The following BRWD1 variants were observed in gnomAD, a reference collection of about 807,000 sequenced individuals.
BRWD1 encodes the protein bromodomain and WD repeat-containing protein 1.
Under a neutral mutation model 251.2 loss-of-function variants are expected in BRWD1, and 82 were observed. The observed-to-expected ratio is 0.33, with a 90% confidence interval of 0.27 to 0.39. The LOEUF is 0.39. Ranked by LOEUF, BRWD1 falls within the 10% of genes least tolerant of loss-of-function variation. BRWD1 has a pLI of 1.00. For synonymous variants in BRWD1, 918 were observed against 902.8 expected (o/e 1.02, Z -0.30); for missense variants, 2,233 against 2,711.6 (o/e 0.82, Z 3.92).
At chr21:39,273,198 A>C (rs1438259568) in intron 13 of BRWD1, among the ~76,000 whole-genome samples, 1 of 152,234 alleles carries the variant, frequency 6.6e-6, no homozygotes, top group Non-Finnish European at 1.5e-5. Flanking sequence ...ATTTTCCTTA[A>C]TAAAACAATA....
chr21:39,187,519 T>G lies in BRWD1; in HGVS notation c.*8740A>C. 7.0e-7 allele frequency: 1 copy of G among 1,424,250 alleles called. No homozygotes were observed. Among genetic ancestry groups the G allele is most frequent in the Non-Finnish European group, 9.2e-7 (1 of 1,092,318 alleles). 88.2% of individuals were successfully genotyped at this position (1,424,250 alleles called of 1,614,324 possible). On this transcript the variant is annotated 3_prime_UTR_variant, in exon 41 of 41. Coordinates refer to ENST00000342449, the MANE Select transcript of BRWD1 (RefSeq NM_033656.4). ...CAACACTCATTCGGAAACAATAAATTTAAAAGTCATATTGCTAAATGATAA... is the reference window on the plus strand; with the variant it reads ...CAACACTCATTCGGAAACAATAAATGTAAAAGTCATATTGCTAAATGATAA...
chr21:39,189,681 A>T lies in BRWD1; in HGVS notation c.*6578T>A. Reference sequence around the variant, plus strand: ...TCTGAGGAAGACAAAACTGTGGAGAATTTTTTTAAATACATTCAAGTCAGT... The same window carrying T: ...TCTGAGGAAGACAAAACTGTGGAGATTTTTTTTAAATACATTCAAGTCAGT... On this transcript the variant is annotated 3_prime_UTR_variant, in exon 41 of 41. Transcript: ENST00000342449. The T allele has an allele frequency of 1.0e-6, 1 of 981,972 alleles. No homozygotes were observed. Among genetic ancestry groups the T allele is most frequent in the Non-Finnish European group, 1.2e-6 (1 of 826,810 alleles). The allele number at this position is 981,972 out of a possible 1,614,324, so 60.8% of individuals were successfully genotyped here. A position where few individuals can be genotyped will look rare whatever the true frequency, so the allele number is the denominator to read the frequency against.
intron 16 of BRWD1, 39 bp from the exon 17 acceptor site, chr21:39,264,724 C>A: frequency 1.3e-6 from 2 of 1,521,440 alleles, no homozygotes; most frequent in South Asian, 2.4e-5. Context: ...TTTTAAGGTT[C>A]ACACATTTTA....
intron 21 of BRWD1, among the ~76,000 whole-genome samples, chr21:39,242,153 C>CTAG (rs2034026583): frequency 6.6e-6 from 1 of 152,236 alleles, no homozygotes; most frequent in South Asian, 2.1e-4. Context: ...AGGCTAAAAG[C>CTAG]TAGGCCTCTT....
chr21:39,233,575 A>G (rs930587268), intron 23 of BRWD1, among the ~76,000 whole-genome samples: 1 of 152,226 alleles, frequency 6.6e-6, no homozygotes, highest in Non-Finnish European at 1.5e-5. Context: ...AATTCCTTGA[A>G]GTCTACTACT....
At chr21:39,253,053 G>C (rs903614282) in intron 19 of BRWD1, among the ~76,000 whole-genome samples, 3 of 152,172 alleles carry the variant, frequency 2.0e-5, no homozygotes, top group African/African-American at 7.2e-5. Context: ...ACTTTGGCAG[G>C]CCGAGGCAGG....
rs1408056408 is a variant in BRWD1 at position 39,189,827 on chromosome 21, G to C, written c.*6432C>G. 20 of 985,242 alleles carry C rather than the reference G, an allele frequency of 2.0e-5. No individual in the cohort carries two copies. Among genetic ancestry groups the C allele is most frequent in the Non-Finnish European group, 2.3e-5 (19 of 829,902 alleles). The allele number at this position is 985,242 out of a possible 1,614,324, so 61.0% of individuals were successfully genotyped here. A position where few individuals can be genotyped will look rare whatever the true frequency, so the allele number is the denominator to read the frequency against. On this transcript the variant is annotated 3_prime_UTR_variant, in exon 41 of 41. Coordinates refer to ENST00000342449, the MANE Select transcript of BRWD1 (RefSeq NM_033656.4). Reference sequence around the variant, plus strand: ...TTAGAAGTCAAATTTGTGTGTTAGGGTACAAGCTTAAGAACTCTGGATGTT... The same window carrying C: ...TTAGAAGTCAAATTTGTGTGTTAGGCTACAAGCTTAAGAACTCTGGATGTT...
upstream of BRWD1, chr21:39,313,859 G>A: frequency 2.9e-6 from 1 of 344,388 alleles, no homozygotes; most frequent in Non-Finnish European, 5.4e-6. Context: ...AGGGCGCGTG[G>A]TCCGAATCCC....
At chr21:39,202,134 T>C (rs2032140063) in intron 38 of BRWD1, among the ~76,000 whole-genome samples, 191 bp downstream of exon 38, 1 of 152,242 alleles carries the variant, frequency 6.6e-6, no homozygotes, top group African/African-American at 2.4e-5. Context: ...AAATGTACCA[T>C]TCACAAAGCA....
chr21:39,320,080 T>C (rs372010787), intron 1 of BRWD1, among the ~76,000 whole-genome samples: 12 of 152,208 alleles, frequency 7.9e-5, no homozygotes, highest in East Asian at 3.9e-4. Flanking sequence ...CCAGGAAAGA[T>C]GACTGTGCAG....
At position 39,198,971 on chromosome 21, in the gene BRWD1, T is replaced by A. The variant is rs769432577; in HGVS notation, c.5445A>T (p.Lys1815Asn). Residue 1815 changes from lysine to asparagine, a missense_variant, in exon 40 of 41, where the codon AAA (lysine) becomes AAT (asparagine). This residue lies in a region of BRWD1 where 928 missense variants were observed against 970.0 expected (regional missense o/e 0.96). Coordinates refer to ENST00000342449, the MANE Select transcript of BRWD1 (RefSeq NM_033656.4). ...TFHKNASFFKKTKILSDSEDS... is the reference protein window; with the variant it reads ...TFHKNASFFKNTKILSDSEDS... ...CTTCTGAGTCACTCAGAATCTTGGTTTTTTTAAAGAAACTCGCATTCTTGT... is the reference window on the plus strand; with the variant it reads ...CTTCTGAGTCACTCAGAATCTTGGTATTTTTAAAGAAACTCGCATTCTTGT... 6.2e-7 allele frequency: 1 copy of A among 1,613,982 alleles called. No homozygotes were observed. Among genetic ancestry groups the A allele is most frequent in the Non-Finnish European group, 8.5e-7 (1 of 1,180,028 alleles).
intron 29 of BRWD1, among the ~76,000 whole-genome samples, chr21:39,220,079 C>T (rs912599891): frequency 1.4e-5 from 2 of 141,392 alleles, no homozygotes; most frequent in Non-Finnish European, 3.1e-5. Context: ...CAAATCACAT[C>T]TATACCACCT....
chr21:39,280,596 T>A (rs1051344046), intron 8 of BRWD1, among the ~76,000 whole-genome samples: 10 of 151,344 alleles, frequency 6.6e-5, no homozygotes, highest in African/African-American at 2.4e-4. Context: ...AAAAATACAA[T>A]CCAAAACTAG....
chr21:39,215,123 A>G (rs4818004), intron 32 of BRWD1, 114 bp downstream of exon 32: 978,727 of 1,066,970 alleles, frequency 0.92, 451,889 homozygotes, highest in African/African-American at 0.97. Flanking sequence ...GACGGCCTTC[A>G]CTTCCCAAAG....
rs1457327518 is a variant in BRWD1, at chr21:39,189,595, G to A, written c.*6664C>T. 4.1e-6 allele frequency: 4 copies of A among 983,040 alleles called. No homozygotes were observed. The highest frequency in any genetic ancestry group is 4.8e-6 in the Non-Finnish European group (4 of 827,928). 60.9% of individuals were successfully genotyped at this position (983,040 alleles called of 1,614,324 possible). A position where few individuals can be genotyped will look rare whatever the true frequency, so the allele number is the denominator to read the frequency against. ...TTACACTGTACTCTAACTTGATAAAGCTGAATCTCTTAAGTCTTAGACAAT... is the reference window on the plus strand; with the variant it reads ...TTACACTGTACTCTAACTTGATAAAACTGAATCTCTTAAGTCTTAGACAAT... On this transcript the variant is annotated 3_prime_UTR_variant, in exon 41 of 41. Transcript: ENST00000342449.
chr21:39,264,691 A>C lies in BRWD1; in HGVS notation c.1660-6T>G. On this transcript the variant is annotated splice_region_variant and splice_polypyrimidine_tract_variant and intron_variant, in intron 16 of 40. Transcript: ENST00000342449. ...AAGAACATCTGATCAGGAATCTAGA[A>C]AAATGAAGTTCACAGGATGACATTT... The C allele has an allele frequency of 6.3e-7, 1 of 1,586,892 alleles. No homozygotes were observed. Among genetic ancestry groups the C allele is most frequent in the Non-Finnish European group, 8.6e-7 (1 of 1,162,450 alleles).
At chr21:39,235,659 G>A (rs997462058) in intron 23 of BRWD1, 5 of 217,942 alleles carry the variant, frequency 2.3e-5, no homozygotes, top group South Asian at 1.7e-4. Flanking sequence ...TCCCCAAGTC[G>A]GCTCCTTAAC....
rs766831844 is a variant in BRWD1 at position 39,202,356 on chromosome 21, A to G, written c.4554T>C (p.Asn1518=). The G allele has an allele frequency of 5.0e-6, 8 of 1,613,424 alleles. No homozygotes were observed. Among genetic ancestry groups the G allele is most frequent in the Non-Finnish European group, 6.8e-6 (8 of 1,179,580 alleles). The change falls in exon 38 of 41, where the codon AAT becomes AAC. Residue 1518 remains asparagine (N), a synonymous_variant. Transcript: ENST00000342449. The part of the protein sequence containing the change: ...SAESSERRKR[N]RPITNGSTLS... ...ATGTAGAACCATTTGTTATAGGTCT[A>G]TTTCTTTTCCTCCTTTCTGATGATT... is the stretch of plus-strand genomic sequence containing the variant.
intron 21 of BRWD1, among the ~76,000 whole-genome samples, chr21:39,245,601 GT>G (rs11298805): frequency 0.79 from 93,843 of 118,726 alleles, 35,726 homozygotes; most frequent in Middle Eastern, 0.89. Flanking sequence ...TTTTTTTTTG[GT>G]TTTTTTTTTT....
Sources: allele counts gnomAD v4.1 joint callset (sites outside exome capture counted in the v4.1 genomes callset), GRCh38; gene constraint gnomAD v4.1.1; regional missense constraint gnomAD v4.1.1; transcripts MANE v1.5; gene names NCBI Gene and HGNC (gene_info 2026-07-23, HGNC 2026-07-21).